OSCAR: variants seen among roughly 807,000 people sequenced by gnomAD.
The protein encoded by OSCAR is osteoclast associated Ig-like receptor.
OSCAR carries 25 observed loss-of-function variants against 27.3 expected under a neutral mutation model. The ratio of observed to expected loss-of-function variants is 0.92; its 90% CI spans 0.67 to 1.28. The LOEUF is 1.28. Among genes scored for constraint, OSCAR ranks in the 50% most tolerant of loss-of-function variants. The pLI, the probability that OSCAR is intolerant of heterozygous loss-of-function variation, is 0.00. For synonymous variants in OSCAR, 158 were observed against 165.7 expected (o/e 0.95, Z 0.36); for missense variants, 354 against 355.1 (o/e 1.00, Z 0.03).
Position 54,096,045 on chromosome 19 carries a change from A to G in OSCAR, c.482T>C (p.Leu161Pro). 6.4e-7 allele frequency: 1 copy of G among 1,556,898 alleles called. No individual in the cohort carries two copies. Residue 161 changes from leucine (L) to proline (P), a missense_variant, in exon 4 of 5, where the codon CTG becomes CCG. Physicochemically the swap from Leu to Pro is moderately conservative, Grantham distance 98. Transcript: ENST00000358375. ...AGRLRNMSFV[L>P]YREGVAAPLQ... is the part of the protein sequence containing the mutation. ...CGGGGCCGCCACGCCCTCGCGGTACAGCACGAAGCTCATGTTCCGCAGGCG... is the reference window on the plus strand; with the variant it reads ...CGGGGCCGCCACGCCCTCGCGGTACGGCACGAAGCTCATGTTCCGCAGGCG...
Position 54,100,634 on chromosome 19 carries a change from AT to A in OSCAR, c.37+121del. 1.1e-5 allele frequency: 12 copies of A among 1,080,516 alleles called. No individual in the cohort carries two copies. The South Asian group carries it at 1.8e-4, about 16-fold the overall frequency. 66.9% of individuals were successfully genotyped at this position (1,080,516 alleles called of 1,614,324 possible). On this transcript the variant is annotated intron_variant, in intron 1 of 4. Coordinates refer to ENST00000358375, the MANE Select transcript of OSCAR (RefSeq NM_133169.6). ...GGTCTGGGCCCCAGCCCTGTTCTTT[AT>A]TTGAACCTAGAATCCCAAACCTGCT...
At chr19:54,096,350 C>T (rs1276625685) in intron 3 of OSCAR, among the ~76,000 whole-genome samples, 197 bp from the exon 4 acceptor site, 10 of 140,206 alleles carry the variant, frequency 7.1e-5, no homozygotes, top group Non-Finnish European at 1.2e-4. Context: ...CTCTCTGCCT[C>T]CCTCTCTCTC....
At chr19:54,097,272 T>G (rs2072798744) in intron 2 of OSCAR, 108 bp from the exon 3 acceptor site, 1 of 1,128,638 alleles carries the variant, frequency 8.9e-7, no homozygotes, top group Admixed American at 2.7e-5. Context: ...TGCCCCTTTC[T>G]TAGCCTCAGT....
At position 54,096,094 on chromosome 19, in the gene OSCAR, T is replaced by G; in HGVS notation, c.433A>C (p.Asn145His). The change falls in exon 4 of 5, where the codon AAC becomes CAC. Residue 145 changes from asparagine (N) to histidine (H), a missense_variant. Transcript: ENST00000358375. ...CGGCCCGCGCAGCGCAGGCTCACGT[T>G]GGCGCCAGGACCCACCACCGGCCCG... ...LPGPVVGPGANVSLRCAGRLR... is the reference protein window; with the variant it reads ...LPGPVVGPGAHVSLRCAGRLR... The G allele has an allele frequency of 1.3e-6, 2 of 1,532,586 alleles. No individual in the cohort carries two copies. The highest frequency in any genetic ancestry group is 1.7e-6 in the Non-Finnish European group (2 of 1,145,316). 94.9% of individuals were successfully genotyped at this position (1,532,586 alleles called of 1,614,324 possible). A position where few individuals can be genotyped will look rare whatever the true frequency, so the allele number is the denominator to read the frequency against.
At chr19:54,096,724 G>C (rs2072749910) in intron 3 of OSCAR, 138 bp downstream of exon 3, 1 of 915,696 alleles carries the variant, frequency 1.1e-6, no homozygotes, top group Non-Finnish European at 1.6e-6. Context: ...TCTCCCCCTA[G>C]TGTCTCTGTA....
At position 54,095,359 on chromosome 19, in the gene OSCAR, T is replaced by C. The variant is rs767886367; in HGVS notation, c.656-2A>G. ...GGGTGTAGTCGGAGGAGCCAGAGTCTGCGGGCGGAGCCGGGAGAGAGGGGC... is the reference window on the plus strand; with the variant it reads ...GGGTGTAGTCGGAGGAGCCAGAGTCCGCGGGCGGAGCCGGGAGAGAGGGGC... On this transcript the variant is annotated splice_acceptor_variant, in intron 4 of 4. Coordinates refer to ENST00000358375, the MANE Select transcript of OSCAR (RefSeq NM_133169.6). LOFTEE classifies it high-confidence loss of function. 48 of 1,556,376 alleles carry C rather than the reference T, an allele frequency of 3.1e-5. 1 individual carries two copies. The Admixed American group carries it at 9.1e-4, about 30-fold the overall frequency.
Position 54,097,163 on chromosome 19 carries a change from G to A in OSCAR, c.72C>T (p.Val24=), listed in dbSNP as rs762537235. ...PLCHTDITPS[V]PPASYHPKPW... is the part of the protein sequence containing the mutation. The stretch of plus-strand genomic sequence containing the variant: ...GCTTAGGGTGGTATGAAGCTGGGGG[G>A]ACTGAATAAACGGGGCTGCCTGGGT... Residue 24 remains valine, a splice_region_variant and synonymous_variant, in exon 3 of 5, where the codon GTC becomes GTT. Coordinates refer to ENST00000358375, the MANE Select transcript of OSCAR (RefSeq NM_133169.6). 10 of 1,610,614 alleles carry A rather than the reference G, an allele frequency of 6.2e-6. No homozygotes were observed. In the East Asian group the frequency reaches 1.3e-4, roughly 22 times the overall value.
chr19:54,098,883 G>C (rs914914714), intron 2 of OSCAR, among the ~76,000 whole-genome samples: 3 of 151,406 alleles, frequency 2.0e-5, no homozygotes, highest in Non-Finnish European at 4.4e-5. Flanking sequence ...CTACTCAGGA[G>C]GCTGAGGCAG....
At chr19:54,099,255 G>GTTTTTGTTTTTTTT (rs1555783369) in intron 2 of OSCAR, among the ~76,000 whole-genome samples, 1 of 22,094 alleles carries the variant, frequency 4.5e-5, no homozygotes, top group African/African-American at 1.5e-4. Flanking sequence ...TTTTTTTTTA[G>GTTTTTGTTTTTTTT]TAGAGACGGG....
Position 54,095,878 on chromosome 19 carries a change from A to G in OSCAR, c.649T>C (p.Trp217Arg), listed in dbSNP as rs762031847. The stretch of plus-strand genomic sequence containing the variant: ...CGGGCCTCAGGGCCCTCACCTTCCC[A>G]GCTGATGACCAGCACCTCGCTGCGC... Reference protein sequence around the residue: ...SQRSEVLVISWEDSGSSDYTR... With the variant: ...SQRSEVLVISREDSGSSDYTR... Residue 217 changes from tryptophan to arginine, a missense_variant, in exon 4 of 5, where the codon TGG becomes CGG. Coordinates refer to ENST00000358375, the MANE Select transcript of OSCAR (RefSeq NM_133169.6). 3 of 1,557,938 alleles carry G rather than the reference A, an allele frequency of 1.9e-6. No homozygotes were observed. Among genetic ancestry groups the G allele is most frequent in the Non-Finnish European group, 2.6e-6 (3 of 1,150,756 alleles).
At chr19:54,097,447 T>C (rs986460123) in intron 2 of OSCAR, among the ~76,000 whole-genome samples, 4 of 152,002 alleles carry the variant, frequency 2.6e-5, no homozygotes, top group Admixed American at 2.6e-4. Flanking sequence ...TTATTATTAT[T>C]ATTTTTAAGT....
Position 54,096,034 on chromosome 19 carries a change from C to T in OSCAR, c.493G>A (p.Gly165Ser), listed in dbSNP as rs587600428. Residue 165 changes from glycine to serine, a missense_variant, in exon 4 of 5, where the codon GGC (glycine) becomes AGC (serine). Coordinates refer to ENST00000358375, the MANE Select transcript of OSCAR (RefSeq NM_133169.6). ...RNMSFVLYRE[G>S]VAAPLQYRHS... ...CGGTACTGCAGCGGGGCCGCCACGC[C>T]CTCGCGGTACAGCACGAAGCTCATG... is the stretch of plus-strand genomic sequence containing the variant. 5 of 1,560,844 alleles carry T rather than the reference C, an allele frequency of 3.2e-6. No homozygotes were observed. In the East Asian group the frequency reaches 9.4e-5, roughly 29 times the overall value.
intron 2 of OSCAR, 26 bp from the exon 3 acceptor site, chr19:54,097,190 C>T (rs760853351): frequency 1.2e-5 from 19 of 1,581,900 alleles, no homozygotes; most frequent in Non-Finnish European, 1.5e-5. Flanking sequence ...TGCCTGGGTC[C>T]TCGGGCCTCC....
rs2072720966 is a variant in OSCAR, at chr19:54,096,485, TC to T, written c.374-333del. On this transcript the variant is annotated intron_variant, in intron 3 of 4. Coordinates refer to ENST00000358375, the MANE Select transcript of OSCAR (RefSeq NM_133169.6). ...CTGCCTCTCTCTCTGCCTCCCTCTC[TC>T]TGCCTCCCTCTCTCTCTGCCTCCCT... 4.3e-3 allele frequency among the ~76,000 whole-genome samples: 531 copies of T among 123,490 alleles called. 1 individual carries two copies. Among genetic ancestry groups the T allele is most frequent in the East Asian group, 0.012 (41 of 3,530 alleles). 81.0% of individuals were successfully genotyped at this position (123,490 alleles called of 152,430 possible). A position where few individuals can be genotyped will look rare whatever the true frequency, so the allele number is the denominator to read the frequency against.
In OSCAR at chr19:54,096,988, C is replaced by G; in HGVS notation, c.247G>C (p.Ala83Pro). ...GTCACCTCCTCCAGAAAGAATTCTGCCAGCTCGGAGGACACATCCCGGAAG... is the reference window on the plus strand; with the variant it reads ...GTCACCTCCTCCAGAAAGAATTCTGGCAGCTCGGAGGACACATCCCGGAAG... ...LLFRDVSSELAEFFLEEVTPA... is the reference protein window; with the variant it reads ...LLFRDVSSELPEFFLEEVTPA... The change falls in exon 3 of 5, where the codon GCA becomes CCA. Residue 83 changes from alanine (A) to proline (P), a missense_variant. Ala to Pro is a conservative substitution (Grantham distance 27). Transcript: ENST00000358375. The G allele has an allele frequency of 8.7e-6, 14 of 1,614,156 alleles. No homozygotes were observed. Among genetic ancestry groups the G allele is most frequent in the Non-Finnish European group, 1.2e-5 (14 of 1,180,026 alleles).
rs1245158494 is a variant in OSCAR at position 54,095,179 on chromosome 19, G to A, written c.*42C>T. The A allele has an allele frequency of 3.1e-6, 5 of 1,593,570 alleles. No individual in the cohort carries two copies. Among genetic ancestry groups the A allele is most frequent in the Non-Finnish European group, 3.4e-6 (4 of 1,169,478 alleles). On this transcript the variant is annotated 3_prime_UTR_variant, in exon 5 of 5. Transcript: ENST00000358375. ...TCCAGCCCAGGGTCCCAGCTTCTCC[G>A]CCACTCAGGTTGGAAGTCTCGGGCT...
intron 4 of OSCAR, 165 bp downstream of exon 4, chr19:54,095,707 C>T: frequency 8.3e-7 from 1 of 1,210,014 alleles, no homozygotes; most frequent in East Asian, 2.6e-5. Context: ...GGAGGAGGGG[C>T]TGGGTCCCAG....
intron 2 of OSCAR, among the ~76,000 whole-genome samples, chr19:54,099,059 T>TTGTTTGTTTG (rs1555783129): frequency 6.7e-6 from 1 of 149,248 alleles, no homozygotes; most frequent in East Asian, 2.0e-4. Context: ...AAAGAGTTTT[T>TTGTTTGTTTG]TTTGTTTGTT....
At position 54,094,864 on chromosome 19, in the gene OSCAR, T is replaced by C. The variant is rs1048926599; in HGVS notation, c.*357A>G. ...CTGATTGGTCCATTTTACAATCCTC[T>C]TGTAAGACAGAAAAGTTCTCCAGGT... On this transcript the variant is annotated 3_prime_UTR_variant, in exon 5 of 5. Transcript: ENST00000358375. 4.3e-6 allele frequency: 1 copy of C among 232,550 alleles called. No individual in the cohort carries two copies. Among genetic ancestry groups the C allele is most frequent in the South Asian group, 1.1e-4 (1 of 8,946 alleles). The allele number at this position is 232,550 out of a possible 1,614,324, so 14.4% of individuals were successfully genotyped here. A position where few individuals can be genotyped will look rare whatever the true frequency, so the allele number is the denominator to read the frequency against.
Sources: allele counts gnomAD v4.1 joint callset (sites outside exome capture counted in the v4.1 genomes callset), GRCh38; gene constraint gnomAD v4.1.1; transcripts MANE v1.5; gene names NCBI Gene and HGNC (gene_info 2026-07-23, HGNC 2026-07-21).